The following TBCE variants were observed in gnomAD, a reference collection of about 807,000 sequenced individuals.
The protein encoded by TBCE is tubulin-specific chaperone E.
In TBCE, 53 loss-of-function variants were observed where a neutral mutation model predicts 77.0. That is an observed-to-expected ratio of 0.69 (90% CI 0.55 to 0.87). TBCE has a LOEUF of 0.87. Among genes scored for constraint, TBCE ranks in the 40% least tolerant of loss-of-function variants. The pLI, the probability that TBCE is intolerant of heterozygous loss-of-function variation, is 0.00. For missense variants in TBCE, 624 were observed against 622.4 expected (o/e 1.00, Z -0.03); for synonymous variants, 235 against 241.3 (o/e 0.97, Z 0.24).
At chr1:235,436,663 G>T in intron 11 of TBCE, 55 bp downstream of exon 11, 1 of 1,508,072 alleles carries the variant, frequency 6.6e-7, no homozygotes, top group Non-Finnish European at 9.2e-7. Context: ...CACTCTCATG[G>T]CAGAGTTTGG....
At position 235,449,564 on chromosome 1, in the gene TBCE, G is replaced by GTATT. The variant is rs1682765636; in HGVS notation, c.*803_*806dup. 6.6e-6 allele frequency: 1 copy of GTATT among 152,368 alleles called. No individual in the cohort carries two copies. The highest frequency in any genetic ancestry group is 2.4e-5 in the African/African-American group (1 of 41,436). 9.4% of individuals were successfully genotyped at this position (152,368 alleles called of 1,614,324 possible). ...GTTAGATGGCAGAAAGAAAATTTGG[G>GTATT]TATTAGTCTACCATATAAATGAACT... On this transcript the variant is annotated 3_prime_UTR_variant, in exon 17 of 17. Transcript: ENST00000642610.
rs372740566 is a variant in TBCE at position 235,448,337 on chromosome 1, G to A, written c.1400-12G>A. ...TTGAGAGAACGAATGGACTTTTCTT[G>A]TCTTTTGATAGGCTCCATGACAATT... On this transcript the variant is annotated splice_polypyrimidine_tract_variant and intron_variant, in intron 15 of 16. Coordinates refer to ENST00000642610, the MANE Select transcript of TBCE (RefSeq NM_003193.5). The A allele has an allele frequency of 6.2e-6, 10 of 1,608,754 alleles. No individual in the cohort carries two copies. The highest frequency in any genetic ancestry group is 7.6e-6 in the Non-Finnish European group (9 of 1,176,742).
At chr1:235,395,830 C>A (rs1643283826) in intron 2 of TBCE, among the ~76,000 whole-genome samples, 1 of 151,294 alleles carries the variant, frequency 6.6e-6, no homozygotes, top group African/African-American at 2.4e-5. Flanking sequence ...CAGACATGAG[C>A]CACCGTGCCC....
intron 1 of TBCE, among the ~76,000 whole-genome samples, chr1:235,373,928 C>G (rs559430197): frequency 6.9e-6 from 1 of 145,778 alleles, no homozygotes; most frequent in East Asian, 1.9e-4. Flanking sequence ...GGATTACAGA[C>G]GTGAGCCACC....
chr1:235,371,038 C>CTTTTTTGTTTTTTT (rs1676912120), intron 1 of TBCE, among the ~76,000 whole-genome samples: 1 of 23,310 alleles, frequency 4.3e-5, no homozygotes, highest in African/African-American at 1.3e-4. Context: ...TCACGCCTGG[C>CTTTTTTGTTTTTTT]TTTTTTTTTT....
chr1:235,438,765 A>G lies in TBCE; in HGVS notation c.1117-4A>G. ...AGGCTTGTTTTTATGTCACATGAAC[A>G]TAGATTCTCCCCGAGGAGAGGCGGA... is the stretch of plus-strand genomic sequence containing the variant. On this transcript the variant is annotated splice_region_variant and splice_polypyrimidine_tract_variant and intron_variant, in intron 12 of 16. Coordinates refer to ENST00000642610, the MANE Select transcript of TBCE (RefSeq NM_003193.5). 1 of 1,614,218 alleles carries G rather than the reference A, an allele frequency of 6.2e-7. No individual in the cohort carries two copies. Among genetic ancestry groups the G allele is most frequent in the Non-Finnish European group, 8.5e-7 (1 of 1,180,042 alleles).
rs1001180749 is a variant in TBCE at position 235,443,284 on chromosome 1, C to G, written c.1399+373C>G. ...TGGCACCAACTCAGCTCACGGCAGC[C>G]TCTGCTTCCTGGGCCCAAGCAATTC... is the stretch of plus-strand genomic sequence containing the variant. On this transcript the variant is annotated intron_variant, in intron 15 of 16. Transcript: ENST00000642610. Among the ~76,000 whole-genome samples the G allele has an allele frequency of 2.0e-5, 3 of 152,136 alleles. No homozygotes were observed. The East Asian group carries it at 5.8e-4, about 29-fold the overall frequency.
chr1:235,372,653 G>A (rs188982512), intron 1 of TBCE, among the ~76,000 whole-genome samples: 1 of 151,896 alleles, frequency 6.6e-6, no homozygotes, highest in Non-Finnish European at 1.5e-5. Context: ...GGCTGGGCAC[G>A]GTGGCTCACG....
chr1:235,396,248 TG>T (rs576487341), intron 2 of TBCE, among the ~76,000 whole-genome samples: 1,712 of 151,806 alleles, frequency 0.011, 15 homozygotes, highest in Non-Finnish European at 0.016. Flanking sequence ...TTAGTAGAGA[TG>T]GGATTTCACC....
intron 14 of TBCE, 23 bp from the exon 15 acceptor site, chr1:235,442,829 C>G (rs1026677845): frequency 1.9e-6 from 3 of 1,611,100 alleles, no homozygotes; most frequent in Non-Finnish European, 2.5e-6. Flanking sequence ...ATCAATTAGT[C>G]TTTTTCTTTG....
chr1:235,426,226 C>T (rs1051479014), intron 5 of TBCE, among the ~76,000 whole-genome samples: 1 of 152,192 alleles, frequency 6.6e-6, no homozygotes, highest in Non-Finnish European at 1.5e-5. Context: ...AGCCCCTCAC[C>T]TCCACTTGTG....
At position 235,439,262 on chromosome 1, in the gene TBCE, C is replaced by T. The variant is rs182803897; in HGVS notation, c.1270+340C>T. On this transcript the variant is annotated intron_variant, in intron 13 of 16. Coordinates refer to ENST00000642610, the MANE Select transcript of TBCE (RefSeq NM_003193.5). ...ATCCCAGCATTTTGGGAGGCTGAGG[C>T]GGGTGGATCACGAGGTCAGGAGATC... Among the ~76,000 whole-genome samples the T allele has an allele frequency of 4.6e-5, 7 of 150,630 alleles. No individual in the cohort carries two copies. The East Asian group carries it at 6.0e-4, about 13-fold the overall frequency.
chr1:235,425,832 A>G lies in TBCE; in HGVS notation c.461-1308A>G, dbSNP rs1207909321. 2.6e-5 allele frequency among the ~76,000 whole-genome samples: 4 copies of G among 151,096 alleles called. No individual in the cohort carries two copies. In the East Asian group the frequency reaches 7.8e-4, roughly 30 times the overall value. On this transcript the variant is annotated intron_variant, in intron 5 of 16. Coordinates refer to ENST00000642610, the MANE Select transcript of TBCE (RefSeq NM_003193.5). ...CTCCTCTCCCAGATGGCGTTCCCCCATTTCCCTCAGCTCTCTGCTCAGATG... is the reference window on the plus strand; with the variant it reads ...CTCCTCTCCCAGATGGCGTTCCCCCGTTTCCCTCAGCTCTCTGCTCAGATG...
intron 2 of TBCE, among the ~76,000 whole-genome samples, chr1:235,386,197 G>C (rs10925577): frequency 0.14 from 20,721 of 152,192 alleles, 1,710 homozygotes; most frequent in African/African-American, 0.23. Context: ...CTGTTAGTCT[G>C]ATGGGCTTCC....
intron 1 of TBCE, 108 bp from the exon 2 acceptor site, chr1:235,379,911 G>C (rs1351955568): frequency 1.6e-6 from 1 of 635,866 alleles, no homozygotes; most frequent in Non-Finnish European, 2.7e-6. Context: ...TTGCGCCACT[G>C]CACTCCAGCC....
chr1:235,423,341 C>T (rs1468558550), intron 5 of TBCE, among the ~76,000 whole-genome samples: 1 of 152,100 alleles, frequency 6.6e-6, no homozygotes, highest in African/African-American at 2.4e-5. Context: ...AGCTGTTGTT[C>T]GTGGTTGATT....
intron 5 of TBCE, among the ~76,000 whole-genome samples, chr1:235,425,334 G>A (rs1680646551): frequency 6.6e-6 from 1 of 152,018 alleles, no homozygotes; most frequent in Admixed American, 6.6e-5. Flanking sequence ...AATCCTGTGA[G>A]CCCCACTTCC....
chr1:235,439,739 C>T (rs544004823), intron 13 of TBCE, among the ~76,000 whole-genome samples: 154 of 151,806 alleles, frequency 1.0e-3, no homozygotes, highest in African/African-American at 2.9e-3. Context: ...CCACCCGCCT[C>T]GGCCTGTCAA....
intron 4 of TBCE, chr1:235,416,198 C>T (rs764596697): frequency 2.1e-5 from 3 of 144,662 alleles, no homozygotes; most frequent in African/African-American, 2.6e-5. Context: ...AAAAAAAAGA[C>T]GTAACTATCA....
Sources: gnomAD v4.1 joint callset for allele counts (sites outside exome capture counted in the v4.1 genomes callset) on GRCh38, gnomAD v4.1.1 for gene constraint, MANE v1.5 for transcripts, NCBI Gene and HGNC (gene_info 2026-07-23, HGNC 2026-07-21) for gene names.